The following PITPNC1 variants were observed in gnomAD, a reference collection of about 807,000 sequenced individuals.
PITPNC1 encodes phosphatidylinositol transfer protein cytoplasmic 1.
Under a neutral mutation model 44.7 loss-of-function variants are expected in PITPNC1, and 18 were observed. The ratio of observed to expected loss-of-function variants is 0.40; its 90% CI spans 0.28 to 0.60. PITPNC1 has a LOEUF of 0.60. Ranked by LOEUF, PITPNC1 falls within the 20% of genes least tolerant of loss-of-function variation. The pLI is 0.39. For synonymous variants in PITPNC1, 141 were observed against 149.6 expected (o/e 0.94, Z 0.42); for missense variants, 290 against 418.4 (o/e 0.69, Z 2.68).
chr17:67,656,994 T>C (rs1381204903), intron 6 of PITPNC1, among the ~76,000 whole-genome samples: 1 of 152,002 alleles, frequency 6.6e-6, no homozygotes, highest in Non-Finnish European at 1.5e-5. Context: ...TAAACCCAAG[T>C]GAGAAAATGA....
intron 6 of PITPNC1, among the ~76,000 whole-genome samples, chr17:67,661,335 T>G (rs183016674): frequency 6.6e-6 from 1 of 152,212 alleles, no homozygotes; most frequent in Non-Finnish European, 1.5e-5. Context: ...CAGATACTTA[T>G]TATTCATTCT....
intron 1 of PITPNC1, among the ~76,000 whole-genome samples, chr17:67,523,630 G>A (rs527459932): frequency 1.3e-5 from 2 of 151,864 alleles, no homozygotes; most frequent in South Asian, 2.1e-4. Context: ...GAATCAGGAC[G>A]CTGGCTTCAC....
intron 1 of PITPNC1, among the ~76,000 whole-genome samples, chr17:67,470,854 A>G (rs370589763): frequency 0.013 from 1,873 of 142,220 alleles, 44 homozygotes; most frequent in African/African-American, 0.047. Context: ...TTTGTTCTGC[A>G]CTAAGAAAAA....
intron 6 of PITPNC1, among the ~76,000 whole-genome samples, chr17:67,657,303 C>T (rs2042282520): frequency 6.6e-6 from 1 of 151,978 alleles, no homozygotes; most frequent in Non-Finnish European, 1.5e-5. Context: ...AAAGTGAATC[C>T]TTAATTATAG....
At chr17:67,563,725 A>G (rs1304522755) in intron 4 of PITPNC1, among the ~76,000 whole-genome samples, 4 of 152,248 alleles carry the variant, frequency 2.6e-5, no homozygotes, top group Admixed American at 6.5e-5. Context: ...TCTAAAGACC[A>G]TGAATAAGTG....
chr17:67,472,219 C>G (rs1036300742), intron 1 of PITPNC1, among the ~76,000 whole-genome samples: 21 of 151,282 alleles, frequency 1.4e-4, no homozygotes, highest in African/African-American at 4.6e-4. Context: ...TTTCCCTTTC[C>G]ATACTCTGTT....
chr17:67,529,534 G>C (rs1335831638), intron 1 of PITPNC1, among the ~76,000 whole-genome samples: 1 of 152,214 alleles, frequency 6.6e-6, no homozygotes, highest in African/African-American at 2.4e-5. Context: ...TCTCAACGTT[G>C]TGCAAAACCA....
intron 1 of PITPNC1, among the ~76,000 whole-genome samples, chr17:67,404,535 C>A (rs1254918686): frequency 4.6e-5 from 7 of 152,146 alleles, no homozygotes; most frequent in Non-Finnish European, 7.3e-5. Context: ...AAATACATGA[C>A]TTCAAGTGAA....
chr17:67,526,100 G>GTGATGTTT (rs1312733807), intron 1 of PITPNC1, among the ~76,000 whole-genome samples: 1 of 152,182 alleles, frequency 6.6e-6, no homozygotes, highest in Non-Finnish European at 1.5e-5. Flanking sequence ...TGTTCACATT[G>GTGATGTTT]TGACGTTTGG....
chr17:67,626,950 A>C (rs1475579590), intron 5 of PITPNC1, among the ~76,000 whole-genome samples: 4 of 152,128 alleles, frequency 2.6e-5, no homozygotes, highest in Non-Finnish European at 5.9e-5. Context: ...ACATCTCTTA[A>C]GCTCTAATCA....
intron 1 of PITPNC1, among the ~76,000 whole-genome samples, chr17:67,385,309 C>T (rs1250195571): frequency 2.0e-5 from 3 of 152,232 alleles, no homozygotes; most frequent in East Asian, 1.9e-4. Context: ...TCTGCAAAAA[C>T]GCACCAATCA....
intron 2 of PITPNC1, among the ~76,000 whole-genome samples, chr17:67,550,018 G>A (rs1157767963): frequency 1.3e-5 from 2 of 152,124 alleles, no homozygotes; most frequent in Non-Finnish European, 2.9e-5. Context: ...TTTCCTGCAC[G>A]CGAGCCAGTG....
intron 1 of PITPNC1, among the ~76,000 whole-genome samples, chr17:67,497,583 A>G (rs2144061041): frequency 8.2e-6 from 1 of 121,788 alleles, no homozygotes; most frequent in South Asian, 2.7e-4. Flanking sequence ...GCTGGAGTGC[A>G]GTGATGTCAT....
At chr17:67,647,840 G>C (rs1016451841) in intron 6 of PITPNC1, among the ~76,000 whole-genome samples, 3 of 152,056 alleles carry the variant, frequency 2.0e-5, no homozygotes, top group African/African-American at 7.2e-5. Context: ...TCTCAGTTCT[G>C]CTCCACAGAT....
chr17:67,680,620 A>T lies in PITPNC1; in HGVS notation c.682+5078A>T, dbSNP rs1012305275. The stretch of plus-strand genomic sequence containing the variant: ...TGTCTCAAAAAAAAAAAAAAAAATC[A>T]CAACTATAGATTACAGTTCTAGATC... On this transcript the variant is annotated intron_variant, in intron 8 of 8. Coordinates refer to ENST00000581322, the MANE Select transcript of PITPNC1 (RefSeq NM_012417.4). Among the ~76,000 whole-genome samples, 135 of 150,324 alleles carry T rather than the reference A, an allele frequency of 9.0e-4. 1 individual carries two copies. Among genetic ancestry groups the T allele is most frequent in the Non-Finnish European group, 4.9e-4 (33 of 67,448 alleles).
At chr17:67,570,386 G>A (rs1242605267) in intron 4 of PITPNC1, among the ~76,000 whole-genome samples, 1 of 152,184 alleles carries the variant, frequency 6.6e-6, no homozygotes, top group East Asian at 1.9e-4. Context: ...GTCTGGAAGA[G>A]CCCAGATCTG....
chr17:67,624,910 A>C (rs141868805), intron 5 of PITPNC1, among the ~76,000 whole-genome samples: 1 of 152,336 alleles, frequency 6.6e-6, no homozygotes, highest in African/African-American at 2.4e-5. Context: ...CTTGATACTT[A>C]TTATTCTTAA....
intron 1 of PITPNC1, among the ~76,000 whole-genome samples, chr17:67,526,807 G>C (rs1428255767): frequency 6.6e-6 from 1 of 152,036 alleles, no homozygotes; most frequent in Non-Finnish European, 1.5e-5. Flanking sequence ...TAGTGAAACT[G>C]CTGAGCTTCT....
chr17:67,668,228 T>C (rs2042453535), intron 6 of PITPNC1, among the ~76,000 whole-genome samples: 1 of 152,226 alleles, frequency 6.6e-6, no homozygotes, highest in South Asian at 2.1e-4. Context: ...ATTTGAATCA[T>C]ACAATGTATA....
Sources: gnomAD v4.1 joint callset for allele counts (sites outside exome capture counted in the v4.1 genomes callset) on GRCh38, gnomAD v4.1.1 for gene constraint, MANE v1.5 for transcripts, NCBI Gene and HGNC (gene_info 2026-07-23, HGNC 2026-07-21) for gene names.